ANKHD1: variants seen among roughly 807,000 people sequenced by gnomAD.
ANKHD1 encodes the protein ankyrin repeat and KH domain-containing protein 1.
A neutral mutation model predicts 230.5 loss-of-function variants in ANKHD1; 31 were observed. That is an observed-to-expected ratio of 0.13 (90% CI 0.10 to 0.18). The LOEUF (loss-of-function observed/expected upper bound fraction) is 0.18. Among genes scored for constraint, ANKHD1 ranks in the 10% least tolerant of loss-of-function variants. The pLI, the probability that ANKHD1 is intolerant of heterozygous loss-of-function variation, is 1.00. For missense variants in ANKHD1, 2,256 were observed against 3,071.3 expected, an observed-to-expected ratio of 0.73 and a Z score of 6.27; for synonymous variants, 1,074 against 1,117.6, an observed-to-expected ratio of 0.96 and a Z score of 0.78.
intron 24 of ANKHD1, among the ~76,000 whole-genome samples, chr5:140,519,775 G>A (rs1753231081): frequency 6.6e-6 from 1 of 151,970 alleles, no homozygotes; most frequent in South Asian, 2.1e-4. Context: ...ACAAAAATCA[G>A]TTCAAGATGG....
chr5:140,434,385 A>G (rs1279769957), intron 1 of ANKHD1, among the ~76,000 whole-genome samples: 1 of 150,574 alleles, frequency 6.6e-6, no homozygotes, highest in Non-Finnish European at 1.5e-5. Flanking sequence ...TTTCCTGGCT[A>G]TACATATTTG....
At chr5:140,537,127 G>A in intron 30 of ANKHD1, 1 of 362,610 alleles carries the variant, frequency 2.8e-6, no homozygotes, top group Non-Finnish European at 4.3e-6. Context: ...GTTCAATTGG[G>A]AAAACATTTT....
intron 24 of ANKHD1, among the ~76,000 whole-genome samples, chr5:140,516,476 C>T (rs1753015291): frequency 6.6e-6 from 1 of 151,984 alleles, no homozygotes; most frequent in African/African-American, 2.4e-5. Flanking sequence ...AAGAGCGACT[C>T]CAAGACACAT....
chr5:140,532,446 T>C (rs1354426768), intron 29 of ANKHD1, among the ~76,000 whole-genome samples: 1 of 152,006 alleles, frequency 6.6e-6, no homozygotes, highest in Non-Finnish European at 1.5e-5. Context: ...CTTTTTCTTT[T>C]TTTTCTTGAG....
chr5:140,521,811 T>C (rs2127078505), intron 24 of ANKHD1, among the ~76,000 whole-genome samples: 1 of 151,812 alleles, frequency 6.6e-6, no homozygotes, highest in East Asian at 2.0e-4. Context: ...AAAACCCTTC[T>C]CTACTAAAAG....
chr5:140,466,645 AT>A (rs1032498078), intron 10 of ANKHD1, among the ~76,000 whole-genome samples: 25 of 152,070 alleles, frequency 1.6e-4, no homozygotes, highest in African/African-American at 5.8e-4. Context: ...AAAATGTAAG[AT>A]TAAAAATGGC....
At chr5:140,475,446 CCCTA>C (rs1442513798) in intron 10 of ANKHD1, among the ~76,000 whole-genome samples, 2 of 152,098 alleles carry the variant, frequency 1.3e-5, no homozygotes, top group Non-Finnish European at 1.5e-5. Flanking sequence ...CATCTTATTG[CCCTA>C]CCTGTGAACC....
At chr5:140,418,645 C>A (rs1490445617) in intron 1 of ANKHD1, among the ~76,000 whole-genome samples, 3 of 152,156 alleles carry the variant, frequency 2.0e-5, no homozygotes, top group African/African-American at 7.2e-5. Context: ...TAAACAGAAT[C>A]ATATAATATG....
chr5:140,418,488 A>G (rs1481647685), intron 1 of ANKHD1, among the ~76,000 whole-genome samples: 1 of 152,098 alleles, frequency 6.6e-6, no homozygotes, highest in Non-Finnish European at 1.5e-5. Context: ...ATGACCATCA[A>G]CTAACTATTC....
intron 4 of ANKHD1, 103 bp from the exon 5 acceptor site, chr5:140,440,891 AC>A: frequency 7.7e-7 from 1 of 1,304,578 alleles, no homozygotes; most frequent in Non-Finnish European, 9.8e-7. Flanking sequence ...ATTTTTTCCC[AC>A]CCCTATTCTA....
At chr5:140,420,648 G>A (rs1454676693) in intron 1 of ANKHD1, among the ~76,000 whole-genome samples, 1 of 152,194 alleles carries the variant, frequency 6.6e-6, no homozygotes, top group Non-Finnish European at 1.5e-5. Flanking sequence ...GACTACGTGT[G>A]AGGGTTTATT....
In ANKHD1 at chr5:140,497,259, T is replaced by C; in HGVS notation, c.2985T>C (p.Thr995=). 6.2e-7 allele frequency: 1 copy of C among 1,604,324 alleles called. No homozygotes were observed. The highest frequency in any genetic ancestry group is 8.5e-7 in the Non-Finnish European group (1 of 1,179,660). The change falls in exon 15 of 34, where the codon ACT becomes ACC. Residue 995 remains threonine (T), a synonymous_variant. Transcript: ENST00000360839. The part of the protein sequence containing the change: ...VATPAQTLTD[T]LDDLIAAVST... ...CTCCAGCTCAGACGCTTACCGACAC[T>C]CTTGATGACCTGATAGCAGGTGGGT...
chr5:140,523,955 GTTT>G, intron 24 of ANKHD1, 108 bp from the exon 25 acceptor site: 1 of 1,344,254 alleles, frequency 7.4e-7, no homozygotes, highest in Non-Finnish European at 9.8e-7. Context: ...TTATAAATGT[GTTT>G]TGAGAGTAAC....
chr5:140,473,325 G>A (rs1044345076), intron 10 of ANKHD1, among the ~76,000 whole-genome samples: 4 of 152,026 alleles, frequency 2.6e-5, no homozygotes, highest in Non-Finnish European at 5.9e-5. Flanking sequence ...ACCGTGCCTG[G>A]CCTAAGTTTC....
In ANKHD1 at chr5:140,538,911, T is replaced by C; in HGVS notation, c.7405-8T>C. 1 of 1,485,714 alleles carries C rather than the reference T, an allele frequency of 6.7e-7. No individual in the cohort carries two copies. Among genetic ancestry groups the C allele is most frequent in the South Asian group, 1.5e-5 (1 of 68,768 alleles). The allele number at this position is 1,485,714 out of a possible 1,614,324, so 92.0% of individuals were successfully genotyped here. A position where few individuals can be genotyped will look rare whatever the true frequency, so the allele number is the denominator to read the frequency against. ...TTTAAGATTAAATCTTTTTTCCTGC[T>C]GTTTTAGGGTCTGCCAATTTCCATG... On this transcript the variant is annotated splice_region_variant and splice_polypyrimidine_tract_variant and intron_variant, in intron 32 of 33. Coordinates refer to ENST00000360839, the MANE Select transcript of ANKHD1 (RefSeq NM_017747.3).
chr5:140,440,698 G>A (rs548431705), intron 4 of ANKHD1, among the ~76,000 whole-genome samples: 1 of 152,234 alleles, frequency 6.6e-6, no homozygotes, highest in South Asian at 2.1e-4. Context: ...TAGTTTTGCT[G>A]TTCTTTGGCT....
Position 140,509,618 on chromosome 5 carries a change from A to G in ANKHD1, c.3766-19A>G. ...AAAAAGAAATGTAACTTAGTTGCAT[A>G]ATTTATTGGTTTAAACAGACGGGTC... is the stretch of plus-strand genomic sequence containing the variant. On this transcript the variant is annotated intron_variant, in intron 20 of 33. Coordinates refer to ENST00000360839, the MANE Select transcript of ANKHD1 (RefSeq NM_017747.3). The G allele has an allele frequency of 1.3e-6, 2 of 1,492,092 alleles. No homozygotes were observed. Among genetic ancestry groups the G allele is most frequent in the Non-Finnish European group, 1.8e-6 (2 of 1,121,010 alleles). The allele number at this position is 1,492,092 out of a possible 1,614,324, so 92.4% of individuals were successfully genotyped here. A position where few individuals can be genotyped will look rare whatever the true frequency, so the allele number is the denominator to read the frequency against.
intron 10 of ANKHD1, among the ~76,000 whole-genome samples, chr5:140,473,393 T>C (rs1181324269): frequency 6.6e-6 from 1 of 152,264 alleles, no homozygotes; most frequent in African/African-American, 2.4e-5. Flanking sequence ...CATTGGCTTG[T>C]TAAATGAGAA....
chr5:140,519,314 G>A (rs2127074147), intron 24 of ANKHD1, among the ~76,000 whole-genome samples: 1 of 152,294 alleles, frequency 6.6e-6, no homozygotes, highest in African/African-American at 2.4e-5. Flanking sequence ...CCATGCTCAT[G>A]AGTAGGAAGA....
Sources: gnomAD v4.1 joint callset for allele counts (sites outside exome capture counted in the v4.1 genomes callset) on GRCh38, gnomAD v4.1.1 for gene constraint, MANE v1.5 for transcripts, NCBI Gene and HGNC (gene_info 2026-07-23, HGNC 2026-07-21) for gene names.